TRAPPC12: variants seen among roughly 807,000 people sequenced by gnomAD.
TRAPPC12 encodes trafficking protein particle complex subunit 12.
A neutral mutation model predicts 69.2 loss-of-function variants in TRAPPC12; 61 were observed. The ratio of observed to expected loss-of-function variants is 0.88; its 90% CI spans 0.72 to 1.09. The LOEUF (loss-of-function observed/expected upper bound fraction) is 1.09, where lower values mean the gene tolerates loss of function less well. Ranked by LOEUF, TRAPPC12 falls within the 50% of genes least tolerant of loss-of-function variation. The pLI, the probability that TRAPPC12 is intolerant of heterozygous loss-of-function variation, is 0.00. For missense variants in TRAPPC12, 1,101 were observed against 1,016.4 expected (o/e 1.08, Z -1.13); for synonymous variants, 469 against 438.9 (o/e 1.07, Z -0.86).
At chr2:3,419,924 A>G (rs10197139) in intron 3 of TRAPPC12, among the ~76,000 whole-genome samples, 151,264 of 152,356 alleles carry the variant, frequency 0.99, 75,094 homozygotes, top group Middle Eastern at 1. Flanking sequence ...GCAAGATGGC[A>G]CGGCCACTTA....
At chr2:3,435,666 GT>G (rs1419438916) in intron 5 of TRAPPC12, among the ~76,000 whole-genome samples, 3 of 152,188 alleles carry the variant, frequency 2.0e-5, no homozygotes, top group Non-Finnish European at 4.4e-5. Flanking sequence ...ACAAGCAGGT[GT>G]TTGGTCCCCA....
At chr2:3,382,321 G>C (rs1272495556) in intron 1 of TRAPPC12, among the ~76,000 whole-genome samples, 1 of 151,982 alleles carries the variant, frequency 6.6e-6, no homozygotes, top group South Asian at 2.1e-4. Flanking sequence ...TTTTAATAGA[G>C]ACAGCATTTC....
At chr2:3,444,978 T>C (rs1664433297) in intron 6 of TRAPPC12, among the ~76,000 whole-genome samples, 1 of 152,266 alleles carries the variant, frequency 6.6e-6, no homozygotes, top group South Asian at 2.1e-4. Flanking sequence ...AAACGGGGTT[T>C]AATTTTATTT....
chr2:3,391,399 T>A (rs1660818319), intron 2 of TRAPPC12, among the ~76,000 whole-genome samples: 1 of 152,204 alleles, frequency 6.6e-6, no homozygotes, highest in South Asian at 2.1e-4. Context: ...GGCTGAGACC[T>A]AGGAGTGGTG....
At position 3,388,592 on chromosome 2, in the gene TRAPPC12, G is replaced by A. The variant is rs1370368192; in HGVS notation, c.969G>A (p.Val323=). 6.2e-7 allele frequency: 1 copy of A among 1,610,590 alleles called. No individual in the cohort carries two copies. The highest frequency in any genetic ancestry group is 1.7e-4 in the Middle Eastern group (1 of 6,048). ...GEATRGVLRA[V]ATQQRGAVFV... Reference sequence around the variant, plus strand: ...CTACGCGTGGAGTCCTGCGGGCCGTGGCCACCCAGCAGCGCGGCGCCGTGT... The same window carrying A: ...CTACGCGTGGAGTCCTGCGGGCCGTAGCCACCCAGCAGCGCGGCGCCGTGT... The change falls in exon 2 of 12, where the codon GTG becomes GTA. Residue 323 remains valine (V), a synonymous_variant. Transcript: ENST00000324266.
At chr2:3,419,084 G>A (rs985705954) in intron 3 of TRAPPC12, among the ~76,000 whole-genome samples, 2 of 152,084 alleles carry the variant, frequency 1.3e-5, no homozygotes, top group African/African-American at 4.8e-5. Context: ...CACACATTCT[G>A]TCCTCTTCTA....
chr2:3,443,865 C>T lies in TRAPPC12; in HGVS notation c.1504C>T (p.His502Tyr). ...CCCACAGGAGTCGCTGGATAGACTG[C>T]ACAAGGTGAAGACTGTCTGCAGCAA... Reference protein sequence around the residue: ...GNPQESLDRLHKVKTVCSKIL... With the variant: ...GNPQESLDRLYKVKTVCSKIL... Residue 502 changes from histidine to tyrosine, a missense_variant, in exon 6 of 12, where the codon CAC (histidine) becomes TAC (tyrosine). Transcript: ENST00000324266. 6.2e-7 allele frequency: 1 copy of T among 1,614,028 alleles called. No homozygotes were observed. The highest frequency in any genetic ancestry group is 8.5e-7 in the Non-Finnish European group (1 of 1,179,978).
chr2:3,450,202 A>G (rs1463626223), intron 6 of TRAPPC12, among the ~76,000 whole-genome samples: 3 of 152,224 alleles, frequency 2.0e-5, no homozygotes, highest in African/African-American at 7.2e-5. Context: ...CTCGAAGGCC[A>G]TAGCCCTTGC....
At chr2:3,454,736 C>T (rs184416048) in intron 6 of TRAPPC12, 1 of 152,620 alleles carries the variant, frequency 6.6e-6, no homozygotes, top group East Asian at 1.9e-4. Flanking sequence ...CCCTTCTCCC[C>T]TCATTGGCCG....
chr2:3,417,769 G>A (rs1359977951), intron 3 of TRAPPC12, among the ~76,000 whole-genome samples: 4 of 152,132 alleles, frequency 2.6e-5, no homozygotes, highest in Non-Finnish European at 5.9e-5. Flanking sequence ...TTGGCCGGGC[G>A]TGATGGCTCA....
At chr2:3,470,295 C>G (rs1666005360) in intron 9 of TRAPPC12, among the ~76,000 whole-genome samples, 1 of 152,266 alleles carries the variant, frequency 6.6e-6, no homozygotes, top group East Asian at 1.9e-4. Context: ...CCCTGTTCCA[C>G]AAGGAAGCTG....
intron 8 of TRAPPC12, chr2:3,462,747 C>T: frequency 8.3e-6 from 3 of 361,968 alleles, no homozygotes; most frequent in South Asian, 6.1e-5. Context: ...AGCCTTAGGG[C>T]ACCTGCACTG....
chr2:3,388,063 C>G lies in TRAPPC12; in HGVS notation c.440C>G (p.Pro147Arg), dbSNP rs764697911. 53 of 1,516,236 alleles carry G rather than the reference C, an allele frequency of 3.5e-5. No individual in the cohort carries two copies. The highest frequency in any genetic ancestry group is 4.0e-5 in the Non-Finnish European group (46 of 1,137,104). 93.9% of individuals were successfully genotyped at this position (1,516,236 alleles called of 1,614,324 possible). ...GTCCCAGGCAGCGAAGCCGCGCGCCCGGAGCAGGAGCCTCCCGTTGCGGAG... is the reference window on the plus strand; with the variant it reads ...GTCCCAGGCAGCGAAGCCGCGCGCCGGGAGCAGGAGCCTCCCGTTGCGGAG... Reference protein sequence around the residue: ...REVPGSEAARPEQEPPVAEPV... With the variant: ...REVPGSEAARREQEPPVAEPV... The change falls in exon 2 of 12, where the codon CCG (proline) becomes CGG (arginine). Residue 147 changes from proline to arginine, a missense_variant. By Grantham distance (103) the Pro-to-Arg change is moderately radical. Coordinates refer to ENST00000324266, the MANE Select transcript of TRAPPC12 (RefSeq NM_016030.6).
chr2:3,479,033 T>G, intron 11 of TRAPPC12, 100 bp downstream of exon 11: 1 of 1,481,392 alleles, frequency 6.8e-7, no homozygotes, highest in South Asian at 1.2e-5. Context: ...GCTCTCTCTC[T>G]CCAGTCCACC....
rs1033398003 is a variant in TRAPPC12, at chr2:3,414,266, C to A, written c.1165-7615C>A. ...CTCATTCAGTTTGGGAAATGTGACCCACTTGGCAGCCAGTACCCATCGTAA... is the reference window on the plus strand; with the variant it reads ...CTCATTCAGTTTGGGAAATGTGACCAACTTGGCAGCCAGTACCCATCGTAA... On this transcript the variant is annotated intron_variant, in intron 3 of 11. Coordinates refer to ENST00000324266, the MANE Select transcript of TRAPPC12 (RefSeq NM_016030.6). The surrounding 1 kb of genome is among the most constrained non-coding windows in gnomAD (Gnocchi z 4.9). 2.6e-5 allele frequency among the ~76,000 whole-genome samples: 4 copies of A among 152,152 alleles called. No individual in the cohort carries two copies. The highest frequency in any genetic ancestry group is 7.2e-5 in the African/African-American group (3 of 41,420).
intron 7 of TRAPPC12, 67 bp downstream of exon 7, chr2:3,457,760 T>C: frequency 6.3e-7 from 1 of 1,579,516 alleles, no homozygotes; most frequent in Non-Finnish European, 8.6e-7. Context: ...GCCCAAAGCC[T>C]CTCGCTTCCT....
At chr2:3,394,876 C>T (rs1435057669) in intron 2 of TRAPPC12, among the ~76,000 whole-genome samples, 1 of 152,106 alleles carries the variant, frequency 6.6e-6, no homozygotes, top group African/African-American at 2.4e-5. Context: ...ACAAAGGGCT[C>T]TCTAGGTGGA....
chr2:3,427,088 G>A (rs748774334), intron 5 of TRAPPC12, among the ~76,000 whole-genome samples: 1 of 152,196 alleles, frequency 6.6e-6, no homozygotes, highest in Non-Finnish European at 1.5e-5. Context: ...GGAAGTTTGA[G>A]GGTGTTTCTG....
At chr2:3,436,389 A>G (rs888733595) in intron 5 of TRAPPC12, among the ~76,000 whole-genome samples, 3 of 152,260 alleles carry the variant, frequency 2.0e-5, no homozygotes, top group Non-Finnish European at 2.9e-5. Context: ...CCTTGGAGAC[A>G]CCATCTTTAT....
Sources: allele counts gnomAD v4.1 joint callset (sites outside exome capture counted in the v4.1 genomes callset), GRCh38; gene constraint gnomAD v4.1.1; non-coding constraint Gnocchi (gnomAD v3.1); transcripts MANE v1.5; gene names NCBI Gene and HGNC (gene_info 2026-07-23, HGNC 2026-07-21).